Variants in ACADSB observed in about 807,000 individuals in gnomAD.
The protein encoded by ACADSB is acyl-CoA dehydrogenase short/branched chain, also known as short/branched chain specific acyl-CoA dehydrogenase, mitochondrial.
ACADSB carries 40 observed loss-of-function variants against 54.1 expected under a neutral mutation model. That is an observed-to-expected ratio of 0.74 (90% confidence interval 0.57 to 0.96). ACADSB has a LOEUF of 0.96. ACADSB is among the 40% of genes least tolerant of loss of function. The probability of loss-of-function intolerance (pLI) is 0.00; values close to 1 mark genes in which losing one functional copy is unlikely to be tolerated. For missense variants in ACADSB, 530 were observed against 510.4 expected, an observed-to-expected ratio of 1.04 and a Z score of -0.37; for synonymous variants, 182 against 182.8, an observed-to-expected ratio of 1.00 and a Z score of 0.03.
chr10:123,027,439 G>A (rs142072545), intron 1 of ACADSB: 150 of 423,568 alleles, frequency 3.5e-4, no homozygotes, highest in African/African-American at 2.3e-3. Flanking sequence ...AGTATTTCCC[G>A]TGCTATTCTT....
chr10:123,015,771 C>CTGTTT (rs1850103019), intron 1 of ACADSB, among the ~76,000 whole-genome samples: 1 of 152,142 alleles, frequency 6.6e-6, no homozygotes. Context: ...TTTTAAGGTG[C>CTGTTT]TGTTTGCAAA....
At chr10:123,017,640 A>G (rs1276461591) in intron 1 of ACADSB, among the ~76,000 whole-genome samples, 3 of 152,142 alleles carry the variant, frequency 2.0e-5, no homozygotes, top group African/African-American at 7.2e-5. Context: ...AATGGCCGGC[A>G]TTTGCATGTC....
chr10:123,030,030 AGT>A (rs1203363016), intron 1 of ACADSB, among the ~76,000 whole-genome samples: 5 of 152,196 alleles, frequency 3.3e-5, no homozygotes, highest in African/African-American at 7.2e-5. Flanking sequence ...TAAGGGCCTT[AGT>A]CTCATTCCCA....
At chr10:123,045,459 C>A (rs909001378) in intron 7 of ACADSB, among the ~76,000 whole-genome samples, 1 of 151,796 alleles carries the variant, frequency 6.6e-6, no homozygotes, top group African/African-American at 2.4e-5. Context: ...GGATTACAGG[C>A]GTGAGCCACC....
chr10:123,032,900 TTCTTTCCCCCCTTTCTTCCTTC>T (rs1389625657), intron 1 of ACADSB, among the ~76,000 whole-genome samples: 1 of 152,138 alleles, frequency 6.6e-6, no homozygotes, highest in Non-Finnish European at 1.5e-5. Context: ...CCAATTTCCA[TTCTTTCCCCCCTTTCTTCCTTC>T]TTTCTTCGTG....
chr10:123,029,323 G>A (rs762139368), intron 1 of ACADSB, among the ~76,000 whole-genome samples: 1 of 151,342 alleles, frequency 6.6e-6, no homozygotes, highest in African/African-American at 2.4e-5. Context: ...TCCAGCCTGG[G>A]TGATAAAGCA....
intron 1 of ACADSB, among the ~76,000 whole-genome samples, chr10:123,015,912 G>A (rs1033897350): frequency 5.3e-5 from 8 of 152,196 alleles, no homozygotes; most frequent in Non-Finnish European, 1.2e-4. Context: ...GAGGGTGATA[G>A]CACCGATGAT....
At position 123,053,692 on chromosome 10, in the gene ACADSB, A is replaced by G. The variant is rs766663421; in HGVS notation, c.1229-3A>G. 6.2e-7 allele frequency: 1 copy of G among 1,612,858 alleles called. No individual in the cohort carries two copies. Among genetic ancestry groups the G allele is most frequent in the Non-Finnish European group, 8.5e-7 (1 of 1,178,982 alleles). Reference sequence around the variant, plus strand: ...TTGTTCCTTCTGCTTCCTTTTGCTTAAGGTACGATATATGAAGGAGCTTCC... The same window carrying G: ...TTGTTCCTTCTGCTTCCTTTTGCTTGAGGTACGATATATGAAGGAGCTTCC... On this transcript the variant is annotated splice_region_variant and splice_polypyrimidine_tract_variant and intron_variant, in intron 10 of 10. Transcript: ENST00000358776.
chr10:123,045,162 TA>T (rs1564753017), intron 7 of ACADSB, among the ~76,000 whole-genome samples: 91 of 15,144 alleles, frequency 6.0e-3, no homozygotes, highest in African/African-American at 0.017. Flanking sequence ...TATATATATA[TA>T]TATATATATT....
intron 1 of ACADSB, among the ~76,000 whole-genome samples, chr10:123,012,004 T>C (rs1850042879): frequency 6.6e-6 from 1 of 152,082 alleles, no homozygotes; most frequent in Admixed American, 6.6e-5. Flanking sequence ...CATGTGTCAC[T>C]GCACCTGGCT....
chr10:123,036,569 A>T (rs1850401717), intron 2 of ACADSB, among the ~76,000 whole-genome samples: 1 of 152,238 alleles, frequency 6.6e-6, no homozygotes, highest in South Asian at 2.1e-4. Flanking sequence ...TAGTCTAAGC[A>T]CAGAAGCAAT....
chr10:123,056,968 A>G lies in ACADSB; in HGVS notation c.*3203A>G, dbSNP rs952287493. The G allele has an allele frequency of 6.5e-6, 1 of 152,684 alleles. No individual in the cohort carries two copies. Among genetic ancestry groups the G allele is most frequent in the Admixed American group, 6.5e-5 (1 of 15,288 alleles). 9.5% of individuals were successfully genotyped at this position (152,684 alleles called of 1,614,324 possible). A position where few individuals can be genotyped will look rare whatever the true frequency, so the allele number is the denominator to read the frequency against. ...AGAGATAAAGCTTACTTGACTTTCA[A>G]ATGGAGAGATGATGAAAACCCACTC... On this transcript the variant is annotated 3_prime_UTR_variant, in exon 11 of 11. Coordinates refer to ENST00000358776, the MANE Select transcript of ACADSB (RefSeq NM_001609.4).
At chr10:123,012,208 A>G (rs1850045641) in intron 1 of ACADSB, among the ~76,000 whole-genome samples, 1 of 152,232 alleles carries the variant, frequency 6.6e-6, no homozygotes, top group Admixed American at 6.5e-5. Context: ...AATTCTCTGG[A>G]CATCTGCCAG....
intron 1 of ACADSB, among the ~76,000 whole-genome samples, chr10:123,013,463 C>A (rs958061805): frequency 6.6e-6 from 1 of 152,252 alleles, no homozygotes; most frequent in Admixed American, 6.5e-5. Flanking sequence ...GCACCAGTGC[C>A]GCAGGTGGAG....
At chr10:123,022,709 G>T (rs1850198602) in intron 1 of ACADSB, among the ~76,000 whole-genome samples, 1 of 77,654 alleles carries the variant, frequency 1.3e-5, no homozygotes, top group African/African-American at 3.2e-5. Flanking sequence ...AGTAACCCAA[G>T]GATATCCTTA....
At position 123,053,104 on chromosome 10, in the gene ACADSB, G is replaced by A; in HGVS notation, c.1172G>A (p.Gly391Glu). The A allele has an allele frequency of 6.2e-7, 1 of 1,614,074 alleles. No individual in the cohort carries two copies. The highest frequency in any genetic ancestry group is 8.5e-7 in the Non-Finnish European group (1 of 1,179,980). Residue 391 changes from glycine (G) to glutamate (E), a missense_variant, in exon 10 of 11, where the codon GGA (glycine) becomes GAA (glutamate). Coordinates refer to ENST00000358776, the MANE Select transcript of ACADSB (RefSeq NM_001609.4). ...AGTAAATGTATCGAGTGGATGGGGGGAGTAGGCTACACCAAAGATTACCCT... is the reference window on the plus strand; with the variant it reads ...AGTAAATGTATCGAGTGGATGGGGGAAGTAGGCTACACCAAAGATTACCCT... ...TTSKCIEWMG[G>E]VGYTKDYPVE...
Position 123,056,895 on chromosome 10 carries a change from A to G in ACADSB, c.*3130A>G, listed in dbSNP as rs41291348. ...TAAATACAATTGACATAGGAATTAC[A>G]TTAAAATATTAGGAAGAAACAAGGA... On this transcript the variant is annotated 3_prime_UTR_variant, in exon 11 of 11. Coordinates refer to ENST00000358776, the MANE Select transcript of ACADSB (RefSeq NM_001609.4). 6.4e-3 allele frequency: 983 copies of G among 152,802 alleles called. 7 individuals carry two copies. The highest frequency in any genetic ancestry group is 0.01 in the Non-Finnish European group (710 of 68,038). 9.5% of individuals were successfully genotyped at this position (152,802 alleles called of 1,614,324 possible).
intron 1 of ACADSB, among the ~76,000 whole-genome samples, chr10:123,029,372 AG>A (rs1589736493): frequency 6.6e-6 from 1 of 151,814 alleles, no homozygotes; most frequent in African/African-American, 2.4e-5. Context: ...AAAAAAAAAA[AG>A]AAAGAAAACA....
intron 2 of ACADSB, among the ~76,000 whole-genome samples, chr10:123,035,148 T>G (rs756998799): frequency 8.5e-5 from 13 of 152,210 alleles, no homozygotes; most frequent in South Asian, 2.1e-4. Flanking sequence ...AGTACAGACG[T>G]GGTTTCACCG....
Sources: gnomAD v4.1 joint callset for allele counts (sites outside exome capture counted in the v4.1 genomes callset) on GRCh38, gnomAD v4.1.1 for gene constraint, MANE v1.5 for transcripts, NCBI Gene and HGNC (gene_info 2026-07-23, HGNC 2026-07-21) for gene names.